The following RERE variants were observed in gnomAD, a reference collection of about 807,000 sequenced individuals.
RERE encodes the protein arginine-glutamic acid dipeptide repeats protein.
A neutral mutation model predicts 146.1 loss-of-function variants in RERE; 40 were observed. The ratio of observed to expected loss-of-function variants is 0.27; its 90% CI spans 0.21 to 0.36. RERE has a LOEUF of 0.36. Ranked by LOEUF, RERE falls within the 10% of genes least tolerant of loss-of-function variation. The pLI is 1.00. For synonymous variants in RERE, 1,003 were observed against 866.0 expected, an observed-to-expected ratio of 1.16 and a Z score of -2.78; for missense variants, 1,933 against 2,138.7, an observed-to-expected ratio of 0.90 and a Z score of 1.90.
chr1:8,587,690 T>A (rs995331927), intron 4 of RERE, among the ~76,000 whole-genome samples: 1 of 152,214 alleles, frequency 6.6e-6, no homozygotes, highest in Admixed American at 6.5e-5. Context: ...TTCTCAGCTT[T>A]CAGAGCTCAG....
At chr1:8,639,818 C>T (rs1647153019) in intron 2 of RERE, among the ~76,000 whole-genome samples, 1 of 152,110 alleles carries the variant, frequency 6.6e-6, no homozygotes, top group African/African-American at 2.4e-5. Context: ...TTGCCACAAT[C>T]AATTTGGTAA....
At chr1:8,671,280 T>C (rs766751114) in intron 1 of RERE, among the ~76,000 whole-genome samples, 1 of 152,060 alleles carries the variant, frequency 6.6e-6, no homozygotes, top group Non-Finnish European at 1.5e-5. Flanking sequence ...GCCAATGAAG[T>C]TGAAATGGTA....
intron 10 of RERE, among the ~76,000 whole-genome samples, chr1:8,489,098 T>G (rs1376128493): frequency 1.3e-5 from 2 of 151,944 alleles, no homozygotes; most frequent in African/African-American, 2.4e-5. Context: ...AATCCCGGCA[T>G]TTTGGGAAGC....
chr1:8,513,914 T>A (rs1173290523), intron 7 of RERE, among the ~76,000 whole-genome samples: 1 of 152,256 alleles, frequency 6.6e-6, no homozygotes, highest in East Asian at 1.9e-4. Flanking sequence ...GTCTTGCCTT[T>A]GAATGAATGG....
At chr1:8,680,753 C>T (rs764537746) in intron 1 of RERE, among the ~76,000 whole-genome samples, 7 of 152,074 alleles carry the variant, frequency 4.6e-5, no homozygotes, top group Non-Finnish European at 1.0e-4. Flanking sequence ...TCCTCAACTC[C>T]GTTTCAGAGT....
chr1:8,704,775 A>G (rs1639524685), intron 1 of RERE, among the ~76,000 whole-genome samples: 1 of 152,246 alleles, frequency 6.6e-6, no homozygotes, highest in African/African-American at 2.4e-5. Flanking sequence ...TCAAACTCCT[A>G]ACACAGCACA....
chr1:8,427,799 C>T (rs1203796856), intron 11 of RERE, among the ~76,000 whole-genome samples: 4 of 152,070 alleles, frequency 2.6e-5, no homozygotes, highest in African/African-American at 9.7e-5. Context: ...CCCTGAAAAT[C>T]GAAACAAAGA....
Position 8,354,676 on chromosome 1 carries a change from G to C in RERE, c.*411C>G, listed in dbSNP as rs952856808. On this transcript the variant is annotated 3_prime_UTR_variant, in exon 23 of 23. Coordinates refer to ENST00000400908, the MANE Select transcript of RERE (RefSeq NM_001042681.2). Reference sequence around the variant, plus strand: ...TTGGATTCCAAATTCCTATGCCCCCGATCTGCAAGCCTCGTGGGCTCTGGA... The same window carrying C: ...TTGGATTCCAAATTCCTATGCCCCCCATCTGCAAGCCTCGTGGGCTCTGGA... The C allele has an allele frequency of 5.8e-6, 1 of 171,980 alleles. No individual in the cohort carries two copies. Among genetic ancestry groups the C allele is most frequent in the Non-Finnish European group, 1.2e-5 (1 of 81,768 alleles). The allele number at this position is 171,980 out of a possible 1,614,324, so 10.7% of individuals were successfully genotyped here. A position where few individuals can be genotyped will look rare whatever the true frequency, so the allele number is the denominator to read the frequency against.
At chr1:8,630,273 G>A (rs538545730) in intron 2 of RERE, among the ~76,000 whole-genome samples, 1 of 152,064 alleles carries the variant, frequency 6.6e-6, no homozygotes, top group Non-Finnish European at 1.5e-5. Context: ...AACCCTCCCA[G>A]TTCTAGTCTC....
intron 1 of RERE, among the ~76,000 whole-genome samples, chr1:8,782,674 G>A (rs1641186642): frequency 6.6e-6 from 1 of 152,188 alleles, no homozygotes; most frequent in East Asian, 1.9e-4. Flanking sequence ...GGGAGGCCGA[G>A]GTGGGCAGAT....
chr1:8,630,220 A>T (rs1220614350), intron 2 of RERE, among the ~76,000 whole-genome samples: 1 of 152,124 alleles, frequency 6.6e-6, no homozygotes, highest in Non-Finnish European at 1.5e-5. Context: ...CCGGTACCCA[A>T]ATTCCAATCC....
At chr1:8,592,703 G>A (rs1006739573) in intron 4 of RERE, among the ~76,000 whole-genome samples, 1 of 152,220 alleles carries the variant, frequency 6.6e-6, no homozygotes, top group African/African-American at 2.4e-5. Context: ...GAAACATAGT[G>A]AGATCCCATC....
At chr1:8,764,312 G>C (rs191538199) in intron 1 of RERE, among the ~76,000 whole-genome samples, 5 of 152,094 alleles carry the variant, frequency 3.3e-5, no homozygotes, top group African/African-American at 1.2e-4. Context: ...TCCCAGCCAG[G>C]TGCCTTAGTG....
chr1:8,632,711 TTTTCCTGTAC>T (rs754079664), intron 2 of RERE, among the ~76,000 whole-genome samples: 28 of 152,348 alleles, frequency 1.8e-4, no homozygotes, highest in Non-Finnish European at 2.8e-4. Flanking sequence ...ACACCAATTA[TTTTCCTGTAC>T]TTCACAGGCA....
Position 8,361,141 on chromosome 1 carries a change from T to C in RERE, c.2366A>G (p.Gln789Arg), listed in dbSNP as rs761459389. The change falls in exon 18 of 23, where the codon CAG becomes CGG. Residue 789 changes from glutamine (Q) to arginine (R), a missense_variant. Physicochemically the swap from Gln to Arg is conservative, Grantham distance 43. Transcript: ENST00000400908. ...GTGGGGAACAGGCGCTGTGGGAGCC[T>C]GTGGCTGGTTAGGGGCCTGGGAGGC... ...PTASQAPNQP[Q>R]APTAPVPHTH... 6.9e-7 allele frequency: 1 copy of C among 1,444,206 alleles called. No individual in the cohort carries two copies. The highest frequency in any genetic ancestry group is 9.1e-7 in the Non-Finnish European group (1 of 1,103,686). 89.5% of individuals were successfully genotyped at this position (1,444,206 alleles called of 1,614,324 possible).
At chr1:8,438,896 A>C (rs1644207237) in intron 11 of RERE, among the ~76,000 whole-genome samples, 2 of 152,198 alleles carry the variant, frequency 1.3e-5, no homozygotes, top group African/African-American at 4.8e-5. Flanking sequence ...TTTACAACAA[A>C]ACTCTCTAAT....
intron 7 of RERE, among the ~76,000 whole-genome samples, chr1:8,539,642 G>C (rs1199278637): frequency 6.6e-6 from 1 of 152,072 alleles, no homozygotes; most frequent in Admixed American, 6.5e-5. Context: ...CTGACCTCAC[G>C]ATCCGCCCGC....
chr1:8,446,171 G>C (rs1054698824), intron 11 of RERE, among the ~76,000 whole-genome samples: 10 of 152,172 alleles, frequency 6.6e-5, no homozygotes, highest in African/African-American at 2.2e-4. Flanking sequence ...ATTCTTTTAA[G>C]AATGTTGAAT....
At chr1:8,403,537 T>TTTG (rs1643337021) in intron 12 of RERE, among the ~76,000 whole-genome samples, 2 of 151,688 alleles carry the variant, frequency 1.3e-5, no homozygotes, top group South Asian at 4.2e-4. Context: ...AGCTAATTTT[T>TTTG]GTATTTTTAG....
Sources: allele counts gnomAD v4.1 joint callset (sites outside exome capture counted in the v4.1 genomes callset), GRCh38; gene constraint gnomAD v4.1.1; transcripts MANE v1.5; gene names NCBI Gene and HGNC (gene_info 2026-07-23, HGNC 2026-07-21).